Variants in NPEPPS observed in about 807,000 individuals in gnomAD.
NPEPPS encodes the protein puromycin-sensitive aminopeptidase.
NPEPPS carries 14 observed loss-of-function variants against 115.5 expected under a neutral mutation model. That is an observed-to-expected ratio of 0.12 (90% CI 0.08 to 0.19). The LOEUF (loss-of-function observed/expected upper bound fraction) is 0.19. Among genes scored for constraint, NPEPPS ranks in the 10% least tolerant of loss-of-function variants. NPEPPS has a pLI of 1.00. For synonymous variants in NPEPPS, 285 were observed against 390.6 expected, an observed-to-expected ratio of 0.73 and a Z score of 3.19; for missense variants, 523 against 1,110.8, an observed-to-expected ratio of 0.47 and a Z score of 7.52.
At chr17:47,549,425 G>T (rs1166793406) in intron 2 of NPEPPS, among the ~76,000 whole-genome samples, 1 of 152,084 alleles carries the variant, frequency 6.6e-6, no homozygotes, top group Non-Finnish European at 1.5e-5. Context: ...CTGAAGTCAT[G>T]TGTAAGCCCA....
intron 5 of NPEPPS, among the ~76,000 whole-genome samples, chr17:47,583,322 C>G (rs555204849): frequency 6.6e-6 from 1 of 152,120 alleles, no homozygotes; most frequent in African/African-American, 2.4e-5. Flanking sequence ...TGGTGGCTTA[C>G]ACCTGTCATC....
At chr17:47,615,382 C>T (rs1256635104) in intron 19 of NPEPPS, among the ~76,000 whole-genome samples, 1 of 152,054 alleles carries the variant, frequency 6.6e-6, no homozygotes, top group Non-Finnish European at 1.5e-5. Flanking sequence ...GGCCTGCTTT[C>T]TAAGAATATA....
intron 17 of NPEPPS, among the ~76,000 whole-genome samples, chr17:47,607,508 T>C (rs924295494): frequency 1.8e-4 from 27 of 152,184 alleles, no homozygotes; most frequent in African/African-American, 6.5e-4. Flanking sequence ...GAGAAGTTTT[T>C]TGACTTTCAC....
At position 47,525,976 on chromosome 17, in the gene NPEPPS, C is replaced by T. The variant is rs1683363057; in HGVS notation, c.77+2913C>T. Among the ~76,000 whole-genome samples, 5 of 152,072 alleles carry T rather than the reference C, an allele frequency of 3.3e-5. No individual in the cohort carries two copies. In the South Asian group the frequency reaches 8.3e-4, roughly 25 times the overall value. On this transcript the variant is annotated intron_variant, in intron 1 of 5. Transcript: ENST00000525007. ...CTGTAATCCTAGCACTTTGGGAGGC[C>T]GAAGCAGGCAGATCACCTGAGGTCG...
At position 47,619,742 on chromosome 17, in the gene NPEPPS, A is replaced by G. The variant is rs532968187; in HGVS notation, c.2565A>G (p.Ser855=). The G allele has an allele frequency of 3.7e-6, 6 of 1,613,440 alleles. No homozygotes were observed. The South Asian group carries it at 4.4e-5, about 12-fold the overall frequency. ...GFLISRLIKL[S]VEGFAVDKMA... is the part of the protein sequence containing the mutation. ...TTAAAACCATTGTTTTGCAGCTATC[A>G]GTTGAGGGATTTGCAGTTGATAAAA... Residue 855 remains serine (S), a synonymous_variant, in exon 22 of 23, where the codon TCA becomes TCG. Coordinates refer to ENST00000322157, the MANE Select transcript of NPEPPS (RefSeq NM_006310.4).
At chr17:47,537,924 C>T (rs1179973772) in intron 1 of NPEPPS, among the ~76,000 whole-genome samples, 5 of 143,128 alleles carry the variant, frequency 3.5e-5, no homozygotes, top group South Asian at 4.5e-4. Flanking sequence ...GACGGAGTTT[C>T]GCTCTGTTGC....
At chr17:47,615,168 C>A (rs1214689474) in intron 19 of NPEPPS, among the ~76,000 whole-genome samples, 1 of 150,276 alleles carries the variant, frequency 6.7e-6, no homozygotes, top group African/African-American at 2.5e-5. Flanking sequence ...ACCTCTGCCT[C>A]CCGGGTTCAC....
intron 2 of NPEPPS, among the ~76,000 whole-genome samples, chr17:47,558,169 C>T (rs144299583): frequency 2.0e-5 from 3 of 152,068 alleles, no homozygotes; most frequent in South Asian, 2.1e-4. Flanking sequence ...GCTCTGCTGC[C>T]GAGGCTGGGG....
chr17:47,565,493 A>G (rs1195144810), intron 2 of NPEPPS, among the ~76,000 whole-genome samples: 1 of 137,718 alleles, frequency 7.3e-6, no homozygotes, highest in African/African-American at 2.7e-5. Context: ...GCGACAGAGC[A>G]AGACTCCATC....
intron 14 of NPEPPS, among the ~76,000 whole-genome samples, chr17:47,600,401 A>G (rs1346626527): frequency 6.6e-6 from 1 of 152,156 alleles, no homozygotes; most frequent in African/African-American, 2.4e-5. Context: ...GTGCCATTGC[A>G]TTCTAGCCTG....
At chr17:47,613,497 C>T (rs1914005681) in intron 18 of NPEPPS, among the ~76,000 whole-genome samples, 172 bp from the exon 19 acceptor site, 1 of 152,036 alleles carries the variant, frequency 6.6e-6, no homozygotes, top group South Asian at 2.1e-4. Flanking sequence ...GAACTGCTGA[C>T]CTCAGGTGAT....
chr17:47,580,760 G>GT (rs1218257529), intron 4 of NPEPPS: 1 of 150,552 alleles, frequency 6.6e-6, no homozygotes, highest in African/African-American at 2.4e-5. Context: ...GTTAAAATGA[G>GT]TGACTACTGC....
intron 16 of NPEPPS, 54 bp downstream of exon 16, chr17:47,604,103 G>GT: frequency 6.4e-7 from 1 of 1,551,516 alleles, no homozygotes; most frequent in South Asian, 1.2e-5. Context: ...AAAAGATTCT[G>GT]TTTTTCCTGG....
At chr17:47,594,933 A>G (rs1362205431) in intron 12 of NPEPPS, among the ~76,000 whole-genome samples, 2 of 119,342 alleles carry the variant, frequency 1.7e-5, no homozygotes, top group Admixed American at 8.2e-5. Context: ...CGCCTGGCCT[A>G]TTTTATTTTT....
Position 47,586,101 on chromosome 17 carries a change from T to C in NPEPPS, c.850-47T>C, listed in dbSNP as rs552803347. On this transcript the variant is annotated intron_variant, in intron 6 of 22. Coordinates refer to ENST00000322157, the MANE Select transcript of NPEPPS (RefSeq NM_006310.4). The stretch of plus-strand genomic sequence containing the variant: ...TTCCTTTGTGGGTTTCAATATGAAT[T>C]ATAATAACATATTTATTAGATGGTT... The C allele has an allele frequency of 6.9e-4, 374 of 541,814 alleles. 1 individual carries two copies. Among genetic ancestry groups the C allele is most frequent in the African/African-American group, 6.8e-3 (344 of 50,508 alleles). The allele number at this position is 541,814 out of a possible 1,614,324, so 33.6% of individuals were successfully genotyped here.
Position 47,623,013 on chromosome 17 carries a change from T to C in NPEPPS, c.*1093T>C. 1 of 390,542 alleles carries C rather than the reference T, an allele frequency of 2.6e-6. No homozygotes were observed. Among genetic ancestry groups the C allele is most frequent in the South Asian group, 1.7e-5 (1 of 58,976 alleles). 24.2% of individuals were successfully genotyped at this position (390,542 alleles called of 1,614,324 possible). A position where few individuals can be genotyped will look rare whatever the true frequency, so the allele number is the denominator to read the frequency against. ...TGTGTGCCACTGTTTGCTTCAACAG[T>C]ATATCCTAATAAGCCTCACCTATTT... is the stretch of plus-strand genomic sequence containing the variant. On this transcript the variant is annotated 3_prime_UTR_variant, in exon 23 of 23. Coordinates refer to ENST00000322157, the MANE Select transcript of NPEPPS (RefSeq NM_006310.4).
chr17:47,564,536 A>G (rs1056092959), intron 2 of NPEPPS, among the ~76,000 whole-genome samples: 5 of 151,880 alleles, frequency 3.3e-5, no homozygotes, highest in African/African-American at 1.2e-4. Context: ...ATATATAGTG[A>G]AGTGTCTATG....
In NPEPPS at chr17:47,531,313, G is replaced by C. The variant is rs1170436727; in HGVS notation, c.13G>C (p.Ala5Pro). Residue 5 changes from alanine to proline, a missense_variant, in exon 1 of 23, where the codon GCT (alanine) becomes CCT (proline). By Grantham distance (27) the Ala-to-Pro change is conservative. Transcript: ENST00000322157. ...CCGCGCTCGGTGGATGTGGCTGGCA[G>C]CTGCCGCCCCCTCCCTCGCTCGCCG... is the stretch of plus-strand genomic sequence containing the variant. MWLA[A>P]AAPSLARRLL... is the part of the protein sequence containing the mutation. 6.8e-7 allele frequency: 1 copy of C among 1,478,922 alleles called. No individual in the cohort carries two copies. Among genetic ancestry groups the C allele is most frequent in the Non-Finnish European group, 9.2e-7 (1 of 1,092,890 alleles). The allele number at this position is 1,478,922 out of a possible 1,614,324, so 91.6% of individuals were successfully genotyped here. A position where few individuals can be genotyped will look rare whatever the true frequency, so the allele number is the denominator to read the frequency against.
At position 47,606,436 on chromosome 17, in the gene NPEPPS, T is replaced by C. The variant is rs28421042; in HGVS notation, c.2095+884T>C. Among the ~76,000 whole-genome samples, 833 of 152,030 alleles carry C rather than the reference T, an allele frequency of 5.5e-3. 7 individuals carry two copies. Among genetic ancestry groups the C allele is most frequent in the African/African-American group, 0.02 (810 of 41,472 alleles). On this transcript the variant is annotated intron_variant, in intron 17 of 22. Coordinates refer to ENST00000322157, the MANE Select transcript of NPEPPS (RefSeq NM_006310.4). ...TCTTTTGTAATAAAAATAGTAGCAA[T>C]ACCTAGAGCTCTATGTCTTGTCTTC...
Sources: gnomAD v4.1 joint callset for allele counts (sites outside exome capture counted in the v4.1 genomes callset) on GRCh38, gnomAD v4.1.1 for gene constraint, MANE v1.5 for transcripts, NCBI Gene and HGNC (gene_info 2026-07-23, HGNC 2026-07-21) for gene names.